The following ZBTB37 variants were observed in gnomAD, a reference collection of about 807,000 sequenced individuals.
ZBTB37 encodes the protein zinc finger and BTB domain containing 37.
Under a neutral mutation model 37.7 loss-of-function variants are expected in ZBTB37, and 15 were observed. That is an observed-to-expected ratio of 0.40 (90% confidence interval 0.27 to 0.61). The LOEUF is 0.61. Among genes scored for constraint, ZBTB37 ranks in the 20% least tolerant of loss-of-function variants. The pLI is 0.44. For synonymous variants in ZBTB37, 231 were observed against 220.6 expected (o/e 1.05, Z -0.42); for missense variants, 514 against 641.9 (o/e 0.80, Z 2.15).
intron 4 of ZBTB37, among the ~76,000 whole-genome samples, chr1:173,884,196 G>C (rs1656493290): frequency 6.7e-6 from 1 of 149,168 alleles, no homozygotes; most frequent in Non-Finnish European, 1.5e-5. Flanking sequence ...TTGTCACCCA[G>C]CCTGGAGTGC....
chr1:173,873,782 A>AG (rs1655727414), intron 4 of ZBTB37: 3 of 643,344 alleles, frequency 4.7e-6, no homozygotes, highest in Non-Finnish European at 7.1e-6. Context: ...ATTTCTACCA[A>AG]GCATAGATGC....
chr1:173,874,974 T>C (rs1042306006), intron 4 of ZBTB37, among the ~76,000 whole-genome samples: 1 of 151,812 alleles, frequency 6.6e-6, no homozygotes, highest in Non-Finnish European at 1.5e-5. Flanking sequence ...GTTTGGGAAA[T>C]ATAAAAAAGT....
intron 4 of ZBTB37, among the ~76,000 whole-genome samples, chr1:173,881,975 AC>A (rs1400062759): frequency 6.6e-6 from 1 of 151,188 alleles, no homozygotes; most frequent in African/African-American, 2.4e-5. Flanking sequence ...AATGGCGTGA[AC>A]CCGGGAGGCA....
At chr1:173,885,950 G>A in exon 5 of ZBTB37, 1 of 1,551,754 alleles carries the variant, frequency 6.4e-7, no homozygotes, top group Non-Finnish European at 8.7e-7. Context: ...TCTTGAATCA[G>A]CACTTTCGCA....
At chr1:173,875,312 G>A (rs1374607296) in intron 4 of ZBTB37, among the ~76,000 whole-genome samples, 1 of 130,382 alleles carries the variant, frequency 7.7e-6, no homozygotes, top group African/African-American at 3.1e-5. Context: ...ATATATATAT[G>A]TGTGCATATA....
intron 4 of ZBTB37, among the ~76,000 whole-genome samples, chr1:173,880,625 G>T (rs1656242238): frequency 6.6e-6 from 1 of 152,238 alleles, no homozygotes; most frequent in African/African-American, 2.4e-5. Context: ...ATAGGTAATT[G>T]TCAAGTGAGA....
At chr1:173,901,187 T>C (rs1397262757) in exon 4 of ZBTB37, 3 of 48,556 alleles carry the variant, frequency 6.2e-5, no homozygotes, top group Non-Finnish European at 1.0e-4. Context: ...GTTTGAGTAC[T>C]ACTATTTCAC....
At chr1:173,871,254 T>G (rs1431017044) in intron 3 of ZBTB37, 106 bp downstream of exon 3, 4 of 1,155,690 alleles carry the variant, frequency 3.5e-6, no homozygotes, top group Non-Finnish European at 4.7e-6. Flanking sequence ...ATTTTCTTGG[T>G]CAAAATAAGT....
chr1:173,870,067 A>C, intron 2 of ZBTB37, 133 bp from the exon 3 acceptor site: 2 of 611,204 alleles, frequency 3.3e-6, no homozygotes, highest in Non-Finnish European at 5.4e-6. Flanking sequence ...ATCTAAATAT[A>C]AGGAAGGTAT....
chr1:173,894,342 A>C (rs1167067255), exon 4 of ZBTB37: 2 of 152,180 alleles, frequency 1.3e-5, no homozygotes, highest in Non-Finnish European at 2.9e-5. Context: ...TGTCTGGGCA[A>C]TTCTCCTCCC....
downstream of ZBTB37, chr1:173,891,143 T>G (rs925255307): frequency 6.6e-6 from 1 of 152,238 alleles, no homozygotes; most frequent in Non-Finnish European, 1.5e-5. Flanking sequence ...TGTCCTTGTC[T>G]TAATGGTGCC....
chr1:173,891,040 C>T (rs1439246626), downstream of ZBTB37: 1 of 152,186 alleles, frequency 6.6e-6, no homozygotes, highest in African/African-American at 2.4e-5. Context: ...TCTAGATCCT[C>T]TTATCATAAC....
Sources: allele counts gnomAD v4.1 joint callset (sites outside exome capture counted in the v4.1 genomes callset), GRCh38; gene constraint gnomAD v4.1.1; transcripts MANE v1.5; gene names NCBI Gene and HGNC (gene_info 2026-07-23, HGNC 2026-07-21).